The following KALRN variants were observed in gnomAD, a reference collection of about 807,000 sequenced individuals.
KALRN encodes kalirin RhoGEF kinase.
A neutral mutation model predicts 353.7 loss-of-function variants in KALRN; 70 were observed. The observed-to-expected ratio is 0.20, with a 90% CI of 0.16 to 0.24. The LOEUF (loss-of-function observed/expected upper bound fraction) is 0.24, where lower values mean the gene tolerates loss of function less well. KALRN is among the 10% of genes least tolerant of loss of function. The probability of loss-of-function intolerance (pLI) is 1.00; values close to 1 mark genes in which losing one functional copy is unlikely to be tolerated. For missense variants in KALRN, 2,791 were observed against 3,756.7 expected, an observed-to-expected ratio of 0.74 and a Z score of 6.72; for synonymous variants, 1,391 against 1,434.8, an observed-to-expected ratio of 0.97 and a Z score of 0.69.
rs1473915561 is a variant in KALRN, at chr3:124,234,908, G to C, written c.228G>C (p.Leu76=). 6.2e-7 allele frequency: 1 copy of C among 1,607,750 alleles called. No homozygotes were observed. The highest frequency in any genetic ancestry group is 8.5e-7 in the Non-Finnish European group (1 of 1,176,744). The change falls in exon 3 of 60, where the codon CTG becomes CTC. Residue 76 remains leucine (L), a synonymous_variant. Coordinates refer to ENST00000682506, the MANE Select transcript of KALRN (RefSeq NM_001388419.1). ...ATGACAGAATAAGACAGGAAGACCT[G>C]CGGAAACTCGTGACGTATTTGGCCA... ...SNHDRIRQED[L]RKLVTYLASV... is the part of the protein sequence containing the mutation.
Position 124,326,147 on chromosome 3 carries a change from T to C in KALRN, c.1260T>C (p.Ala420=), listed in dbSNP as rs1205698670. 5.0e-6 allele frequency: 8 copies of C among 1,612,638 alleles called. No individual in the cohort carries two copies. Among genetic ancestry groups the C allele is most frequent in the Non-Finnish European group, 6.8e-6 (8 of 1,179,318 alleles). ...DERSTILAMS[A]VFHQKAEQFL... ...GCAGCACCATCCTCGCCATGTCTGC[T>C]GTGTTCCACCAGAAGGCTGAGCAGG... The change falls in exon 7 of 60, where the codon GCT becomes GCC. Residue 420 remains alanine, a synonymous_variant. Coordinates refer to ENST00000682506, the MANE Select transcript of KALRN (RefSeq NM_001388419.1).
At chr3:124,148,755 T>C (rs1464735223) in intron 1 of KALRN, among the ~76,000 whole-genome samples, 1 of 152,166 alleles carries the variant, frequency 6.6e-6, no homozygotes, top group Non-Finnish European at 1.5e-5. Flanking sequence ...GTTCTTAAAT[T>C]AGGCCACCTG....
At chr3:124,080,822 C>A (rs1057025597) in intron 1 of KALRN, among the ~76,000 whole-genome samples, 5 of 152,112 alleles carry the variant, frequency 3.3e-5, no homozygotes, top group African/African-American at 4.8e-5. Flanking sequence ...TGATTTTGAT[C>A]ATCTATTATA....
At position 124,385,812 on chromosome 3, in the gene KALRN, A is replaced by G. The variant is rs80100927; in HGVS notation, c.1962+776A>G. Among the ~76,000 whole-genome samples, 92 of 152,326 alleles carry G rather than the reference A, an allele frequency of 6.0e-4. 1 individual carries two copies. Among genetic ancestry groups the G allele is most frequent in the African/African-American group, 2.2e-3 (92 of 41,566 alleles). On this transcript the variant is annotated intron_variant, in intron 11 of 59. Transcript: ENST00000682506. The stretch of plus-strand genomic sequence containing the variant: ...TTAACATGGGACATGCTGAAATTGA[A>G]TAAGTGGCCAGTAAGGAGGCACATT...
chr3:124,358,942 T>A lies in KALRN; in HGVS notation c.1770+11677T>A, dbSNP rs1270742453. 2.0e-5 allele frequency among the ~76,000 whole-genome samples: 3 copies of A among 152,304 alleles called. No individual in the cohort carries two copies. In the East Asian group the frequency reaches 5.8e-4, roughly 29 times the overall value. On this transcript the variant is annotated intron_variant, in intron 10 of 59. Coordinates refer to ENST00000682506, the MANE Select transcript of KALRN (RefSeq NM_001388419.1). ...CCTCGGATGTCTCTGGGATCAGGCC[T>A]GGTGGGGATCAGGCCTCATTTCCAT...
At chr3:124,678,492 C>A in intron 50 of KALRN, 179 bp downstream of exon 50, 1 of 572,904 alleles carries the variant, frequency 1.7e-6, no homozygotes, top group Non-Finnish European at 2.9e-6. Flanking sequence ...TCTTTTATTT[C>A]TCCTGGCAAC....
chr3:124,261,985 A>G (rs2072935996), intron 3 of KALRN, among the ~76,000 whole-genome samples: 1 of 152,198 alleles, frequency 6.6e-6, no homozygotes, highest in Admixed American at 6.5e-5. Flanking sequence ...CCAAAAAGCA[A>G]TAACTAGTAA....
chr3:124,154,461 C>T (rs1031692496), intron 1 of KALRN, among the ~76,000 whole-genome samples: 5 of 152,148 alleles, frequency 3.3e-5, no homozygotes, highest in South Asian at 2.1e-4. Context: ...TTCTTATACA[C>T]GAATAACAGA....
chr3:124,629,387 C>CAAA (rs369383140), intron 34 of KALRN, among the ~76,000 whole-genome samples: 1 of 151,660 alleles, frequency 6.6e-6, no homozygotes, highest in African/African-American at 2.4e-5. Flanking sequence ...ACAACAACAA[C>CAAA]AAAAAAAACT....
intron 1 of KALRN, among the ~76,000 whole-genome samples, chr3:124,208,726 A>C (rs921836834): frequency 7.9e-5 from 12 of 152,150 alleles, no homozygotes; most frequent in African/African-American, 2.9e-4. Context: ...GCACTTTGGG[A>C]GGCTGTAGCA....
intron 1 of KALRN, among the ~76,000 whole-genome samples, chr3:124,224,138 G>T (rs1410292123): frequency 6.7e-6 from 1 of 150,016 alleles, no homozygotes; most frequent in Non-Finnish European, 1.5e-5. Flanking sequence ...GGTCCATGAA[G>T]GTGCCATCCC....
At chr3:124,130,563 T>C (rs924569575) in intron 1 of KALRN, among the ~76,000 whole-genome samples, 4 of 152,050 alleles carry the variant, frequency 2.6e-5, no homozygotes, top group Admixed American at 6.5e-5. Flanking sequence ...TACAGCACTT[T>C]AAAGAGAATT....
At chr3:124,421,376 G>A (rs2092772596) in intron 14 of KALRN, among the ~76,000 whole-genome samples, 1 of 152,150 alleles carries the variant, frequency 6.6e-6, no homozygotes, top group African/African-American at 2.4e-5. Flanking sequence ...AGAGTTAGGA[G>A]TCAGAAAAGC....
At chr3:124,580,095 AC>A (rs2074477641) in intron 34 of KALRN, among the ~76,000 whole-genome samples, 1 of 152,198 alleles carries the variant, frequency 6.6e-6, no homozygotes, top group Non-Finnish European at 1.5e-5. Flanking sequence ...TGTACCAACA[AC>A]ATCAGCATCA....
intron 16 of KALRN, among the ~76,000 whole-genome samples, chr3:124,431,918 ACTGT>A (rs1228017181): frequency 6.6e-6 from 1 of 152,218 alleles, no homozygotes; most frequent in Non-Finnish European, 1.5e-5. Context: ...TACTAGAAGA[ACTGT>A]CTGGGATTTG....
At chr3:124,297,274 C>T (rs1205438885) in intron 5 of KALRN, among the ~76,000 whole-genome samples, 1 of 152,228 alleles carries the variant, frequency 6.6e-6, no homozygotes, top group Non-Finnish European at 1.5e-5. Flanking sequence ...CACTTCTTAG[C>T]CTGTTTCTGT....
chr3:124,674,990 G>A (rs1196452342), intron 49 of KALRN: 1 of 151,366 alleles, frequency 6.6e-6, no homozygotes, highest in Non-Finnish European at 1.5e-5. Context: ...TATTTATATT[G>A]TATTAAGTAA....
intron 1 of KALRN, chr3:124,164,318 T>A (rs926560950): frequency 6.6e-6 from 1 of 152,210 alleles, no homozygotes; most frequent in Non-Finnish European, 1.5e-5. Context: ...ATTTCAAGCC[T>A]TCAGGGTTGG....
chr3:124,281,826 C>T (rs1234459140), intron 5 of KALRN, among the ~76,000 whole-genome samples: 1 of 152,166 alleles, frequency 6.6e-6, no homozygotes, highest in African/African-American at 2.4e-5. Context: ...ATACTTAGTG[C>T]CAAATAAATA....
Sources: gnomAD v4.1 joint callset for allele counts (sites outside exome capture counted in the v4.1 genomes callset) on GRCh38, gnomAD v4.1.1 for gene constraint, MANE v1.5 for transcripts, NCBI Gene and HGNC (gene_info 2026-07-23, HGNC 2026-07-21) for gene names.